Variants in FOLH1 observed in about 807,000 individuals in gnomAD.
FOLH1 encodes glutamate carboxypeptidase 2.
In FOLH1, 54 loss-of-function variants were observed where a neutral mutation model predicts 93.9. The ratio of observed to expected loss-of-function variants is 0.57; its 90% confidence interval spans 0.46 to 0.72. The LOEUF (loss-of-function observed/expected upper bound fraction) is 0.72. FOLH1 is among the 30% of genes least tolerant of loss of function. FOLH1 has a pLI of 0.00. For missense variants in FOLH1, 571 were observed against 892.5 expected, an observed-to-expected ratio of 0.64 and a Z score of 4.59; for synonymous variants, 249 against 303.6, an observed-to-expected ratio of 0.82 and a Z score of 1.87.
chr11:49,197,905 G>C (rs1394607490), intron 3 of FOLH1, among the ~76,000 whole-genome samples: 1 of 152,074 alleles, frequency 6.6e-6, no homozygotes, highest in African/African-American at 2.4e-5. Context: ...GAGGAAAATA[G>C]AGAAAAAGCA....
chr11:49,151,682 T>C (rs10742932), intron 17 of FOLH1, among the ~76,000 whole-genome samples: 78,868 of 152,000 alleles, frequency 0.52, 21,795 homozygotes, highest in Admixed American at 0.62. Context: ...TACTATCACT[T>C]ACAGAAAATA....
rs1408007611 is a variant in FOLH1, at chr11:49,185,825, C to T, written c.670G>A (p.Gly224Arg). 2 of 1,566,646 alleles carry T rather than the reference C, an allele frequency of 1.3e-6. No individual in the cohort carries two copies. The highest frequency in any genetic ancestry group is 1.7e-6 in the Non-Finnish European group (2 of 1,161,024). ...GCAGGGTCGGAGTAGAGAATGACTC[C>T]TTTGGCCCCTGCCAGCTGGGCATTT... ...VKNAQLAGAKGVILYSDPADY... is the reference protein window; with the variant it reads ...VKNAQLAGAKRVILYSDPADY... The change falls in exon 6 of 19, where the codon GGA becomes AGA. Residue 224 changes from glycine (G) to arginine (R), a missense_variant. Gly to Arg is a moderately radical substitution (Grantham distance 125). Transcript: ENST00000256999.
chr11:49,149,037 C>G (rs1856127716), intron 17 of FOLH1, among the ~76,000 whole-genome samples: 1 of 152,032 alleles, frequency 6.6e-6, no homozygotes, highest in African/African-American at 2.4e-5. Context: ...CCCGTTATCT[C>G]ACTCATAGGT....
At chr11:49,168,525 T>A (rs1858743721) in intron 12 of FOLH1, among the ~76,000 whole-genome samples, 3 of 152,174 alleles carry the variant, frequency 2.0e-5, no homozygotes, top group Non-Finnish European at 4.4e-5. Context: ...TATTCTTTCC[T>A]CTGAACTCCC....
intron 17 of FOLH1, among the ~76,000 whole-genome samples, chr11:49,151,429 GAC>G (rs58768462): frequency 0.22 from 32,603 of 151,420 alleles, 3,747 homozygotes; most frequent in African/African-American, 0.28. Flanking sequence ...CACACACACA[GAC>G]ACACACACAC....
intron 17 of FOLH1, among the ~76,000 whole-genome samples, chr11:49,152,610 C>A (rs1389275032): frequency 6.6e-6 from 1 of 152,092 alleles, no homozygotes; most frequent in Non-Finnish European, 1.5e-5. Flanking sequence ...TGTCTTGTTT[C>A]TTACCGATAT....
At chr11:49,176,652 T>C (rs1189231807) in intron 7 of FOLH1, among the ~76,000 whole-genome samples, 1 of 151,946 alleles carries the variant, frequency 6.6e-6, no homozygotes. Flanking sequence ...TGTAAAACAA[T>C]ATACTTTTAC....
intron 10 of FOLH1, among the ~76,000 whole-genome samples, chr11:49,172,895 T>C (rs1859515831): frequency 1.3e-5 from 2 of 152,194 alleles, no homozygotes; most frequent in South Asian, 4.1e-4. Flanking sequence ...TCCAAACTTT[T>C]GACAGAATCC....
intron 4 of FOLH1, among the ~76,000 whole-genome samples, chr11:49,191,406 G>A (rs1275769068): frequency 1.3e-5 from 2 of 152,164 alleles, no homozygotes; most frequent in Non-Finnish European, 1.5e-5. Flanking sequence ...GAGGAACACC[G>A]ATCAGCAAAC....
At chr11:49,184,678 C>T (rs575501343) in intron 6 of FOLH1, among the ~76,000 whole-genome samples, 1 of 152,216 alleles carries the variant, frequency 6.6e-6, no homozygotes, top group Admixed American at 6.5e-5. Context: ...CAGGAGTCTA[C>T]AATTTAAGAG....
rs1857996269 is a variant in FOLH1 at position 49,163,551 on chromosome 11, A to G, written c.1440+1154T>C. On this transcript the variant is annotated intron_variant, in intron 13 of 18. Coordinates refer to ENST00000256999, the MANE Select transcript of FOLH1 (RefSeq NM_004476.3). ...TTTCCCAGATAGGCACAACACTGCT[A>G]CCAGTGGCTGGCTGGAAATCCAAGC... Among the ~76,000 whole-genome samples the G allele has an allele frequency of 2.1e-5, 3 of 145,872 alleles. No homozygotes were observed. The Admixed American group carries it at 2.2e-4, about 11-fold the overall frequency.
intron 7 of FOLH1, among the ~76,000 whole-genome samples, chr11:49,180,874 C>T (rs689329): frequency 0.18 from 27,663 of 151,866 alleles, 2,960 homozygotes; most frequent in African/African-American, 0.28. Context: ...ATGTTATTAA[C>T]GGTGATTGTA....
At chr11:49,182,448 A>G (rs1426708198) in intron 7 of FOLH1, among the ~76,000 whole-genome samples, 3 of 152,230 alleles carry the variant, frequency 2.0e-5, no homozygotes, top group African/African-American at 7.2e-5. Flanking sequence ...TAATGAAAGC[A>G]GAAAGTTTCA....
chr11:49,183,822 T>C (rs1861066275), intron 6 of FOLH1, among the ~76,000 whole-genome samples: 1 of 152,000 alleles, frequency 6.6e-6, no homozygotes, highest in Admixed American at 6.6e-5. Context: ...GAATACACGA[T>C]GCTAGATACT....
At chr11:49,199,250 G>A (rs1565212385) in intron 3 of FOLH1, among the ~76,000 whole-genome samples, 2 of 152,106 alleles carry the variant, frequency 1.3e-5, no homozygotes, top group African/African-American at 2.4e-5. Flanking sequence ...TCTACATACG[G>A]TAGCTCTAAA....
chr11:49,180,813 T>A (rs1411561158), intron 7 of FOLH1, among the ~76,000 whole-genome samples: 1 of 152,238 alleles, frequency 6.6e-6, no homozygotes, highest in Non-Finnish European at 1.5e-5. Context: ...AAATAGTGTC[T>A]ATTTTTAATT....
intron 11 of FOLH1, among the ~76,000 whole-genome samples, 182 bp from the exon 12 acceptor site, chr11:49,169,440 G>A (rs1858926750): frequency 2.6e-5 from 4 of 152,030 alleles, no homozygotes; most frequent in Admixed American, 1.3e-4. Context: ...AAGATTACTC[G>A]TAGGAAACAA....
intron 13 of FOLH1, 152 bp downstream of exon 13, chr11:49,164,553 C>A (rs1430707349): frequency 1.7e-6 from 1 of 582,870 alleles, no homozygotes; most frequent in Non-Finnish European, 3.1e-6. Context: ...AAACAGTTTA[C>A]TAGATGTGAT....
intron 6 of FOLH1, among the ~76,000 whole-genome samples, chr11:49,183,710 AATATG>A (rs1434912248): frequency 1.3e-5 from 2 of 152,164 alleles, no homozygotes; most frequent in East Asian, 1.9e-4. Flanking sequence ...TAATACATAC[AATATG>A]ATAGAAAATC....
Sources: gnomAD v4.1 joint callset for allele counts (sites outside exome capture counted in the v4.1 genomes callset) on GRCh38, gnomAD v4.1.1 for gene constraint, MANE v1.5 for transcripts, NCBI Gene and HGNC (gene_info 2026-07-23, HGNC 2026-07-21) for gene names.